The following TOGARAM1 variants were observed in gnomAD, a reference collection of about 807,000 sequenced individuals.
The protein encoded by TOGARAM1 is TOG array regulator of axonemal microtubules 1.
TOGARAM1 carries 100 observed loss-of-function variants against 166.6 expected under a neutral mutation model. The observed-to-expected ratio is 0.60, with a 90% CI of 0.51 to 0.71. The LOEUF (loss-of-function observed/expected upper bound fraction) is 0.71, where lower values mean the gene tolerates loss of function less well. Among genes scored for constraint, TOGARAM1 ranks in the 30% least tolerant of loss-of-function variants. The probability of loss-of-function intolerance (pLI) is 0.00; values close to 1 mark genes in which losing one functional copy is unlikely to be tolerated. For synonymous variants in TOGARAM1, 758 were observed against 763.8 expected, an observed-to-expected ratio of 0.99 and a Z score of 0.13; for missense variants, 2,029 against 2,102.7, an observed-to-expected ratio of 0.96 and a Z score of 0.69.
intron 12 of TOGARAM1, 92 bp from the exon 13 acceptor site, chr14:45,044,543 A>AG: frequency 9.6e-7 from 1 of 1,046,600 alleles, no homozygotes; most frequent in Non-Finnish European, 1.4e-6. Flanking sequence ...CCTAACTCAA[A>AG]AAAAAAAACA....
chr14:45,001,716 C>T (rs1267289984), intron 3 of TOGARAM1, among the ~76,000 whole-genome samples: 1 of 152,210 alleles, frequency 6.6e-6, no homozygotes, highest in East Asian at 1.9e-4. Context: ...TAACATTATC[C>T]ATTAAAGAGT....
chr14:45,042,300 T>A (rs932854715), intron 11 of TOGARAM1: 1 of 120,836 alleles, frequency 8.3e-6, no homozygotes, highest in Admixed American at 7.7e-5. Context: ...GGTAGCTCTC[T>A]GGAACACTAG....
At chr14:45,033,497 T>C (rs564429988) in intron 11 of TOGARAM1, among the ~76,000 whole-genome samples, 1 of 152,198 alleles carries the variant, frequency 6.6e-6, no homozygotes, top group Non-Finnish European at 1.5e-5. Flanking sequence ...TATAAAACTT[T>C]ACTTATAAAA....
intron 11 of TOGARAM1, among the ~76,000 whole-genome samples, chr14:45,040,072 T>C (rs1231382020): frequency 3.9e-5 from 6 of 152,248 alleles, no homozygotes; most frequent in Non-Finnish European, 8.8e-5. Context: ...TATTCTAGGC[T>C]ATAAAACAAG....
rs760653200 is a variant in TOGARAM1 at position 45,071,784 on chromosome 14, C to T, written c.5042C>T (p.Thr1681Met). ...AATGGAAAAGCAAAACAGGACATGA[C>T]GGAAAAGCTTGCTGGTAAATACTTT... Reference protein sequence around the residue: ...FLNGKAKQDMTEKLADIVTEL... With the variant: ...FLNGKAKQDMMEKLADIVTEL... The change falls in exon 19 of 20, where the codon ACG becomes ATG. Residue 1681 changes from threonine to methionine, a missense_variant. Coordinates refer to ENST00000361462, the MANE Select transcript of TOGARAM1 (RefSeq NM_001308120.2). 6.8e-6 allele frequency: 11 copies of T among 1,610,286 alleles called. No individual in the cohort carries two copies. The highest frequency in any genetic ancestry group is 5.3e-5 in the African/African-American group (4 of 74,786).
chr14:45,067,526 T>C (rs190130460), intron 17 of TOGARAM1, among the ~76,000 whole-genome samples: 4 of 152,272 alleles, frequency 2.6e-5, no homozygotes, highest in Non-Finnish European at 4.4e-5. Flanking sequence ...GATCAGAATT[T>C]AGTTCAGTTA....
rs1167788236 is a variant in TOGARAM1 at position 44,997,404 on chromosome 14, CAAAAAAAAAAAAAA to C, written c.2203+1517_2203+1530del. The stretch of plus-strand genomic sequence containing the variant: ...CTGGCAACAAAGCAAGACTCCATCT[CAAAAAAAAAAAAAA>C]AAAAAAAAAAAAAAGGTGATTGGAT... On this transcript the variant is annotated intron_variant, in intron 2 of 19. Transcript: ENST00000361462. The C allele has an allele frequency of 1.2e-3, 25 of 20,854 alleles. 1 individual carries two copies. The highest frequency in any genetic ancestry group is 2.5e-3 in the African/African-American group (21 of 8,490). 1.3% of individuals were successfully genotyped at this position (20,854 alleles called of 1,614,324 possible).
intron 13 of TOGARAM1, among the ~76,000 whole-genome samples, chr14:45,045,760 T>C (rs895061696): frequency 4.2e-5 from 6 of 144,200 alleles, no homozygotes; most frequent in African/African-American, 7.7e-5. Context: ...TATATACACA[T>C]ATATATATAA....
rs143328012 is a variant in TOGARAM1, at chr14:44,963,915, G to A, written c.1494G>A (p.Leu498=). The part of the protein sequence containing the change: ...EEVVNICICS[L]LTYPSEDFDL... ...TGGTGAACATTTGCATCTGCTCCCT[G>A]CTGACCTATCCTAGTGAGGATTTTG... Residue 498 remains leucine, a synonymous_variant, in exon 1 of 20, where the codon CTG becomes CTA. Transcript: ENST00000361462. 4.2e-4 allele frequency: 683 copies of A among 1,613,848 alleles called. 1 individual carries two copies. Among genetic ancestry groups the A allele is most frequent in the Middle Eastern group, 9.9e-4 (6 of 6,062 alleles).
intron 11 of TOGARAM1, among the ~76,000 whole-genome samples, chr14:45,034,088 C>T (rs1881306596): frequency 6.6e-6 from 1 of 152,096 alleles, no homozygotes; most frequent in South Asian, 2.1e-4. Flanking sequence ...ACCTGGGAGG[C>T]AGAGGTTGCA....
chr14:44,999,384 C>A lies in TOGARAM1; in HGVS notation c.2225C>A (p.Thr742Lys), dbSNP rs771149357. 3.1e-6 allele frequency: 5 copies of A among 1,609,294 alleles called. No homozygotes were observed. The highest frequency in any genetic ancestry group is 8.5e-7 in the Non-Finnish European group (1 of 1,177,246). The change falls in exon 3 of 20, where the codon ACA (threonine) becomes AAA (lysine). Residue 742 changes from threonine to lysine, a missense_variant. By Grantham distance (78) the Thr-to-Lys change is moderately conservative (BLOSUM62 -1). Around this residue, in one of 2 missense-constraint regions of TOGARAM1, gnomAD observed 1,453 missense variants for 1,432.2 expected, o/e 1.01. Coordinates refer to ENST00000361462, the MANE Select transcript of TOGARAM1 (RefSeq NM_001308120.2). ...CAAGTTGTHQ[T>K]NLSGKCAQLG... ...AAAGGTACTACTGGGACTCATCAAA[C>A]AAATCTTTCTGGGAAATGTGCACAA...
At chr14:45,064,565 G>A (rs554992281) in intron 16 of TOGARAM1, among the ~76,000 whole-genome samples, 13 of 152,144 alleles carry the variant, frequency 8.5e-5, no homozygotes, top group Non-Finnish European at 1.3e-4. Flanking sequence ...CGACCTCCCA[G>A]GGCTCAAGTG....
intron 15 of TOGARAM1, among the ~76,000 whole-genome samples, chr14:45,052,940 C>A (rs1471161124): frequency 6.6e-6 from 1 of 151,992 alleles, no homozygotes; most frequent in Admixed American, 6.6e-5. Flanking sequence ...CATGTTTAGT[C>A]CCTGCTTTAT....
Position 45,006,073 on chromosome 14 carries a change from C to T in TOGARAM1, c.2710C>T (p.Arg904Ter), listed in dbSNP as rs774302100. 1.7e-5 allele frequency: 28 copies of T among 1,613,448 alleles called. No homozygotes were observed. Among genetic ancestry groups the T allele is most frequent in the Middle Eastern group, 1.7e-4 (1 of 6,058 alleles). ...TPALVRSPSS[R>*]RGLNGTKPVP... ...TGCCTTGGTGAGATCGCCATCTTCC[C>T]GACGAGGTCTAAATGGGACAAAGCC... Residue 904 changes from arginine (R) to a stop codon, truncating the protein, a stop_gained, in exon 5 of 20, where the codon CGA becomes TGA. Transcript: ENST00000361462. LOFTEE classifies it high-confidence loss of function.
chr14:45,066,806 T>C (rs368312820), intron 17 of TOGARAM1, 39 bp downstream of exon 17: 5 of 1,552,382 alleles, frequency 3.2e-6, no homozygotes, highest in African/African-American at 1.4e-5. Flanking sequence ...GTGGGTATGG[T>C]GGCTCACGCC....
intron 1 of TOGARAM1, among the ~76,000 whole-genome samples, chr14:44,964,951 T>TAAAAAAAAA (rs35780816): frequency 1.0e-3 from 85 of 85,154 alleles, no homozygotes; most frequent in Middle Eastern, 0.023. Context: ...ACTAGAAAAG[T>TAAAAAAAAA]AAAAAAAAAA....
Position 44,999,479 on chromosome 14 carries a change from A to G in TOGARAM1, c.2320A>G (p.Ser774Gly), listed in dbSNP as rs1176383898. 1.9e-6 allele frequency: 3 copies of G among 1,606,644 alleles called. No homozygotes were observed. The highest frequency in any genetic ancestry group is 1.7e-6 in the Non-Finnish European group (2 of 1,175,904). ...GSDLQFLGTT[S>G]SHQEKVYASL... Reference sequence around the variant, plus strand: ...TGACTTACAATTCCTAGGGACAACTAGCAGTCATCAAGAAAAAGGTATAAG... The same window carrying G: ...TGACTTACAATTCCTAGGGACAACTGGCAGTCATCAAGAAAAAGGTATAAG... The change falls in exon 3 of 20, where the codon AGC (serine) becomes GGC (glycine). Residue 774 changes from serine to glycine, a missense_variant. By Grantham distance (56) the Ser-to-Gly change is moderately conservative (BLOSUM62 0). Coordinates refer to ENST00000361462, the MANE Select transcript of TOGARAM1 (RefSeq NM_001308120.2).
Position 44,962,431 on chromosome 14 carries a change from G to A in TOGARAM1, c.10G>A (p.Ala4Thr). Residue 4 changes from alanine to threonine, a missense_variant, in exon 1 of 20, where the codon GCC becomes ACC. Transcript: ENST00000361462. ...CACCTGACAACCCTGCATGGCGGCT[G>A]CCCCCTCCGCGCTGCTTCTGCTGCC... MAA[A>T]PSALLLLPPF... The A allele has an allele frequency of 6.4e-7, 1 of 1,561,160 alleles. No individual in the cohort carries two copies. The highest frequency in any genetic ancestry group is 8.7e-7 in the Non-Finnish European group (1 of 1,155,512).
At position 45,028,238 on chromosome 14, in the gene TOGARAM1, A is replaced by G. The variant is rs1038655407; in HGVS notation, c.3567A>G (p.Lys1189=). The G allele has an allele frequency of 1.2e-6, 2 of 1,605,454 alleles. No homozygotes were observed. The highest frequency in any genetic ancestry group is 1.7e-6 in the Non-Finnish European group (2 of 1,177,514). ...TGAGACAAAAGAGAAAAGAAGAGAA[A>G]GAACTGTTTCACAATAAAGATTGTG... is the stretch of plus-strand genomic sequence containing the variant. ...NKMRQKRKEE[K]ELFHNKDCEK... is the part of the protein sequence containing the mutation. The change falls in exon 10 of 20, where the codon AAA becomes AAG. Residue 1189 remains lysine, a synonymous_variant. Coordinates refer to ENST00000361462, the MANE Select transcript of TOGARAM1 (RefSeq NM_001308120.2).
Sources: allele counts gnomAD v4.1 joint callset (sites outside exome capture counted in the v4.1 genomes callset), GRCh38; gene constraint gnomAD v4.1.1; regional missense constraint gnomAD v4.1.1; transcripts MANE v1.5; gene names NCBI Gene and HGNC (gene_info 2026-07-23, HGNC 2026-07-21).